The following NKAIN3 variants were observed in gnomAD, a reference collection of about 807,000 sequenced individuals.
NKAIN3 encodes sodium/potassium-transporting ATPase subunit beta-1-interacting protein 3.
Under a neutral mutation model 30.2 loss-of-function variants are expected in NKAIN3, and 25 were observed. The observed-to-expected ratio is 0.83, with a 90% CI of 0.60 to 1.16. The LOEUF is 1.16. NKAIN3 is among the 50% of genes most tolerant of loss of function. The pLI, the probability that NKAIN3 is intolerant of heterozygous loss-of-function variation, is 0.00. For missense variants in NKAIN3, 225 were observed against 254.1 expected, an observed-to-expected ratio of 0.89 and a Z score of 0.78; for synonymous variants, 91 against 89.6, an observed-to-expected ratio of 1.02 and a Z score of -0.09.
chr8:62,342,042 A>G (rs1014950986), intron 1 of NKAIN3, among the ~76,000 whole-genome samples: 12 of 152,066 alleles, frequency 7.9e-5, no homozygotes, highest in African/African-American at 2.7e-4. Context: ...CAGATCTTCT[A>G]TCTCCCAGTG....
At position 62,967,983 on chromosome 8, in the gene NKAIN3, T is replaced by C. The variant is rs749744845; in HGVS notation, c.*2576T>C. On this transcript the variant is annotated 3_prime_UTR_variant, in exon 7 of 7. Transcript: ENST00000623646. ...TAGTGATTTGTCTATGAATATTCAA[T>C]GTAGGCAACTATTTAATATGGTGTA... is the stretch of plus-strand genomic sequence containing the variant. Among the ~76,000 whole-genome samples, 1 of 152,232 alleles carries C rather than the reference T, an allele frequency of 6.6e-6. No homozygotes were observed. The highest frequency in any genetic ancestry group is 1.5e-5 in the Non-Finnish European group (1 of 68,036).
chr8:62,491,823 G>C (rs1179180798), intron 1 of NKAIN3, among the ~76,000 whole-genome samples: 3 of 151,990 alleles, frequency 2.0e-5, no homozygotes, highest in Non-Finnish European at 4.4e-5. Context: ...ATGGGGAAAG[G>C]AGGACTGAGA....
At position 62,953,904 on chromosome 8, in the gene NKAIN3, G is replaced by A. The variant is rs1372705198; in HGVS notation, c.535G>A (p.Asp179Asn). The change falls in exon 6 of 7, where the codon GAT (aspartate) becomes AAT (asparagine). Residue 179 changes from aspartate to asparagine, a missense_variant and splice_region_variant. By Grantham distance (23) the Asp-to-Asn change is conservative. Coordinates refer to ENST00000623646, the MANE Select transcript of NKAIN3 (RefSeq NM_001304533.3). The part of the protein sequence containing the change: ...SISMEEEDTF[D>N]FIGGLDTHSY... ...TATGGCCTATGTTATATTTTCAGTT[G>A]ATTTCATAGGTGGACTTGATACACA... The A allele has an allele frequency of 2.1e-6, 2 of 963,724 alleles. No homozygotes were observed. Among genetic ancestry groups the A allele is most frequent in the Non-Finnish European group, 2.5e-6 (2 of 810,006 alleles). The allele number at this position is 963,724 out of a possible 1,614,324, so 59.7% of individuals were successfully genotyped here.
intron 4 of NKAIN3, among the ~76,000 whole-genome samples, chr8:62,841,098 C>A (rs943563457): frequency 1.3e-5 from 2 of 152,010 alleles, no homozygotes; most frequent in East Asian, 1.9e-4. Context: ...GAACAAGGTA[C>A]TTTGCAGCTG....
At chr8:62,771,160 G>A (rs1352461820) in intron 4 of NKAIN3, among the ~76,000 whole-genome samples, 3 of 152,128 alleles carry the variant, frequency 2.0e-5, no homozygotes, top group African/African-American at 4.8e-5. Flanking sequence ...TGGCACAGTG[G>A]CTCGCACCTG....
chr8:62,436,633 C>T (rs1296442849), intron 1 of NKAIN3, among the ~76,000 whole-genome samples: 2 of 151,924 alleles, frequency 1.3e-5, no homozygotes, highest in African/African-American at 2.4e-5. Context: ...AATTAGAGAC[C>T]ATCTTCTTTT....
intron 4 of NKAIN3, among the ~76,000 whole-genome samples, chr8:62,749,107 C>G (rs1816184148): frequency 6.6e-6 from 1 of 151,848 alleles, no homozygotes; most frequent in Admixed American, 6.6e-5. Flanking sequence ...TTTCTAAAAT[C>G]TTTCATATGT....
chr8:62,819,159 A>G lies in NKAIN3; in HGVS notation c.471+72030A>G, dbSNP rs922260671. ...TATATATATATATATATACATATAT[A>G]TATATATAATTGTTATTTTTGTTAG... On this transcript the variant is annotated intron_variant, in intron 4 of 6. Coordinates refer to ENST00000623646, the MANE Select transcript of NKAIN3 (RefSeq NM_001304533.3). 1.3e-4 allele frequency among the ~76,000 whole-genome samples: 19 copies of G among 148,534 alleles called. 1 individual carries two copies. Among genetic ancestry groups the G allele is most frequent in the Admixed American group, 1.0e-3 (15 of 14,792 alleles).
chr8:62,942,237 CATATATATACAT>C (rs1563638420), intron 5 of NKAIN3, among the ~76,000 whole-genome samples: 4 of 140,222 alleles, frequency 2.9e-5, no homozygotes, highest in African/African-American at 5.6e-5. Context: ...TATATATACA[CATATATATACAT>C]ATATATATAC....
intron 3 of NKAIN3, among the ~76,000 whole-genome samples, chr8:62,742,675 C>A (rs2130573793): frequency 6.6e-6 from 1 of 152,286 alleles, no homozygotes; most frequent in South Asian, 2.1e-4. Flanking sequence ...ACACAGTAGT[C>A]TATTTCCAAG....
chr8:62,864,213 G>T, intron 4 of NKAIN3: 1 of 689,338 alleles, frequency 1.5e-6, no homozygotes. Context: ...CGAATACTGC[G>T]CAGAAGTGAA....
At position 62,746,328 on chromosome 8, in the gene NKAIN3, A is replaced by G. The variant is rs145123122; in HGVS notation, c.274-604A>G. ...CATTTAGGGTCCACTCAGATAGTCC[A>G]TGATCATCTCCCCATCTCATGATCC... On this transcript the variant is annotated intron_variant, in intron 3 of 6. Coordinates refer to ENST00000623646, the MANE Select transcript of NKAIN3 (RefSeq NM_001304533.3). Among the ~76,000 whole-genome samples the G allele has an allele frequency of 6.6e-5, 10 of 152,314 alleles. 1 individual carries two copies. In the East Asian group the frequency reaches 1.7e-3, roughly 26 times the overall value.
chr8:62,581,247 T>C (rs1810284441), intron 2 of NKAIN3, among the ~76,000 whole-genome samples: 1 of 152,164 alleles, frequency 6.6e-6, no homozygotes. Flanking sequence ...AGGCCTAAGA[T>C]GCTTTCATAA....
At chr8:62,712,585 G>A (rs760148529) in intron 3 of NKAIN3, among the ~76,000 whole-genome samples, 6 of 152,062 alleles carry the variant, frequency 3.9e-5, no homozygotes, top group African/African-American at 7.2e-5. Context: ...CACTCCCAGC[G>A]TGCACCACCC....
chr8:62,941,692 G>T (rs1779907355), intron 5 of NKAIN3, among the ~76,000 whole-genome samples: 2 of 152,072 alleles, frequency 1.3e-5, no homozygotes, highest in South Asian at 4.1e-4. Flanking sequence ...TGCAGAAAAA[G>T]CATTTGGCAA....
intron 3 of NKAIN3, among the ~76,000 whole-genome samples, chr8:62,714,647 C>T (rs2130501960): frequency 6.6e-6 from 1 of 152,182 alleles, no homozygotes; most frequent in South Asian, 2.1e-4. Flanking sequence ...TTAATGAATA[C>T]AAGCTATGTT....
intron 4 of NKAIN3, among the ~76,000 whole-genome samples, chr8:62,894,343 G>T (rs1586319002): frequency 6.6e-6 from 1 of 152,264 alleles, no homozygotes; most frequent in South Asian, 2.1e-4. Flanking sequence ...GAAAGGATTT[G>T]AAACTAGGAA....
At chr8:62,541,517 T>G (rs1808840218) in intron 1 of NKAIN3, among the ~76,000 whole-genome samples, 1 of 152,138 alleles carries the variant, frequency 6.6e-6, no homozygotes, top group Non-Finnish European at 1.5e-5. Flanking sequence ...GATGCTTGTT[T>G]GTGAGGAGAA....
intron 1 of NKAIN3, chr8:62,483,161 A>G (rs1196559402): frequency 1.3e-5 from 2 of 152,278 alleles, no homozygotes; most frequent in African/African-American, 4.8e-5. Context: ...CAAAGAAAGC[A>G]GAACTGGAGC....
Sources: allele counts gnomAD v4.1 joint callset (sites outside exome capture counted in the v4.1 genomes callset), GRCh38; gene constraint gnomAD v4.1.1; transcripts MANE v1.5; gene names NCBI Gene and HGNC (gene_info 2026-07-23, HGNC 2026-07-21).